The following CCDC157 variants were observed in gnomAD, a reference collection of about 807,000 sequenced individuals.
The protein encoded by CCDC157 is coiled-coil domain-containing protein 157.
A neutral mutation model predicts 70.9 loss-of-function variants in CCDC157; 60 were observed. The observed-to-expected ratio is 0.85, with a 90% CI of 0.69 to 1.05. CCDC157 has a LOEUF of 1.05. Ranked by LOEUF, CCDC157 falls within the 50% of genes least tolerant of loss-of-function variation. The pLI, the probability that CCDC157 is intolerant of heterozygous loss-of-function variation, is 0.00. For synonymous variants in CCDC157, 373 were observed against 422.4 expected (o/e 0.88, Z 1.43); for missense variants, 943 against 984.2 (o/e 0.96, Z 0.56).
At position 30,370,456 on chromosome 22, in the gene CCDC157, G is replaced by A. The variant is rs201095345; in HGVS notation, c.551G>A (p.Cys184Tyr). The change falls in exon 5 of 12, where the codon TGC (cysteine) becomes TAC (tyrosine). Residue 184 changes from cysteine (C) to tyrosine (Y), a missense_variant. Cys to Tyr is a radical substitution (Grantham distance 194). Coordinates refer to ENST00000338306, the MANE Select transcript of CCDC157 (RefSeq NM_001017437.5). ...CCAGTGCTAGGCTTGCCCCAGACCT[G>A]CCAAGAGCCAGAGAGCATCCCTGTC... Reference protein sequence around the residue: ...SSPVLGLPQTCQEPESIPVRA... With the variant: ...SSPVLGLPQTYQEPESIPVRA... 251 of 1,614,104 alleles carry A rather than the reference G, an allele frequency of 1.6e-4. 8 individuals carry two copies. The South Asian group carries it at 2.5e-3, about 16-fold the overall frequency.
Position 30,375,278 on chromosome 22 carries a change from C to G in CCDC157, c.1673-201C>G, listed in dbSNP as rs566168108. 22 of 559,792 alleles carry G rather than the reference C, an allele frequency of 3.9e-5. No individual in the cohort carries two copies. In the South Asian group the frequency reaches 4.6e-4, roughly 12 times the overall value. The allele number at this position is 559,792 out of a possible 1,614,324, so 34.7% of individuals were successfully genotyped here. A position where few individuals can be genotyped will look rare whatever the true frequency, so the allele number is the denominator to read the frequency against. On this transcript the variant is annotated intron_variant, in intron 9 of 11. Coordinates refer to ENST00000338306, the MANE Select transcript of CCDC157 (RefSeq NM_001017437.5). ...GGCCTTGCTAAGTCTTTTGAGAGCT[C>G]TAGGTCCCACCCAGCTCTCAGATTT...
chr22:30,366,882 AC>A (rs1405230887), intron 3 of CCDC157: 1 of 154,658 alleles, frequency 6.5e-6, no homozygotes, highest in East Asian at 1.9e-4. Flanking sequence ...ACATAGTGAA[AC>A]CCTGTCTCTA....
At chr22:30,373,529 T>G in intron 7 of CCDC157, 68 bp from the exon 8 acceptor site, 1 of 1,518,906 alleles carries the variant, frequency 6.6e-7, no homozygotes. Context: ...TGTAGCCTCC[T>G]TAGTTCCACA....
intron 10 of CCDC157, chr22:30,375,999 A>T (rs1933327381): frequency 5.5e-6 from 3 of 549,294 alleles, no homozygotes; most frequent in Non-Finnish European, 9.6e-6. Flanking sequence ...ACCAGCCTGG[A>T]CAATATAATG....
intron 5 of CCDC157, 142 bp downstream of exon 5, chr22:30,371,092 G>A: frequency 9.5e-7 from 1 of 1,047,146 alleles, no homozygotes; most frequent in Non-Finnish European, 1.4e-6. Flanking sequence ...GCAGGGAAGG[G>A]AGGGCAGCAA....
chr22:30,367,784 C>T (rs756217605), intron 3 of CCDC157, among the ~76,000 whole-genome samples: 25 of 152,038 alleles, frequency 1.6e-4, no homozygotes, highest in East Asian at 2.0e-4. Context: ...CGTTGGCTCA[C>T]GTCTGTAATC....
In CCDC157 at chr22:30,366,038, G is replaced by A; in HGVS notation, c.38G>A (p.Ser13Asn). 1 of 1,604,038 alleles carries A rather than the reference G, an allele frequency of 6.2e-7. No homozygotes were observed. Among genetic ancestry groups the A allele is most frequent in the Non-Finnish European group, 8.5e-7 (1 of 1,179,648 alleles). The change falls in exon 3 of 12, where the codon AGC (serine) becomes AAC (asparagine). Residue 13 changes from serine (S) to asparagine (N), a missense_variant. Transcript: ENST00000338306. The stretch of plus-strand genomic sequence containing the variant: ...CTGGGCAGCCAGGCCTGCATGGAGA[G>A]CCTGCGCACAGACCTCACCGACCTG... ...HLLGSQACME[S>N]LRTDLTDLQG...
In CCDC157 at chr22:30,362,021, G is replaced by A. The variant is rs1292420687; in HGVS notation, c.-105G>A. The A allele has an allele frequency of 2.6e-5, 4 of 152,588 alleles. No individual in the cohort carries two copies. The highest frequency in any genetic ancestry group is 5.9e-5 in the Non-Finnish European group (4 of 68,340). The allele number at this position is 152,588 out of a possible 1,614,324, so 9.5% of individuals were successfully genotyped here. ...GAGACAGGAAGCCGGGCACCTGGAT[G>A]AGCCTCTGACCCAGAGCCCTGGAGC... On this transcript the variant is annotated 5_prime_UTR_variant, in exon 2 of 12. It removes an upstream start codon present in the reference 5' UTR. Transcript: ENST00000338306.
chr22:30,375,291 A>G (rs1933268766), intron 9 of CCDC157, 188 bp from the exon 10 acceptor site: 1 of 580,114 alleles, frequency 1.7e-6, no homozygotes, highest in African/African-American at 1.9e-5. Flanking sequence ...GGTCCCACCC[A>G]GCTCTCAGAT....
chr22:30,372,734 G>T (rs1234828637), intron 7 of CCDC157: 1 of 162,806 alleles, frequency 6.1e-6, no homozygotes, highest in Non-Finnish European at 1.3e-5. Context: ...TGTGCTCTGG[G>T]CAATGGGGCC....
Position 30,369,596 on chromosome 22 carries a change from T to C in CCDC157, c.413T>C (p.Leu138Pro). The change falls in exon 4 of 12, where the codon CTC becomes CCC. Residue 138 changes from leucine (L) to proline (P), a missense_variant. Physicochemically the swap from Leu to Pro is moderately conservative, Grantham distance 98. Transcript: ENST00000338306. ...LRLGTLHQQP[L>P]PQKGANQRET... ...CTGGGCACGCTCCACCAGCAGCCAC[T>C]CCCCCAGGTGGGTCCCAGCCTCTGT... 2 of 1,553,650 alleles carry C rather than the reference T, an allele frequency of 1.3e-6. No individual in the cohort carries two copies. The highest frequency in any genetic ancestry group is 1.4e-5 in the African/African-American group (1 of 73,194).
intron 10 of CCDC157, chr22:30,375,921 C>T: frequency 1.8e-6 from 1 of 552,944 alleles, no homozygotes; most frequent in Non-Finnish European, 3.2e-6. Flanking sequence ...GGTGCGGCGG[C>T]TCATGCCTGT....
At position 30,376,855 on chromosome 22, in the gene CCDC157, C is replaced by A; in HGVS notation, c.*110C>A. The A allele has an allele frequency of 2.7e-6, 3 of 1,131,568 alleles. No individual in the cohort carries two copies. The highest frequency in any genetic ancestry group is 2.5e-6 in the Non-Finnish European group (2 of 800,184). The allele number at this position is 1,131,568 out of a possible 1,614,324, so 70.1% of individuals were successfully genotyped here. ...TCTTTGCCTCACAGTATGACTGAGCCAAGGAAAGAACCCTTCCTTCCCTGT... is the reference window on the plus strand; with the variant it reads ...TCTTTGCCTCACAGTATGACTGAGCAAAGGAAAGAACCCTTCCTTCCCTGT... On this transcript the variant is annotated 3_prime_UTR_variant, in exon 12 of 12. Coordinates refer to ENST00000338306, the MANE Select transcript of CCDC157 (RefSeq NM_001017437.5).
intron 5 of CCDC157, 74 bp downstream of exon 5, chr22:30,371,024 A>G: frequency 2.0e-6 from 3 of 1,483,400 alleles, no homozygotes; most frequent in South Asian, 1.3e-5. Flanking sequence ...TTTGTGAGAC[A>G]GGGCTTCCAG....
chr22:30,367,958 G>A (rs1932789318), intron 3 of CCDC157, among the ~76,000 whole-genome samples: 1 of 152,214 alleles, frequency 6.6e-6, no homozygotes, highest in Non-Finnish European at 1.5e-5. Context: ...GGCTGAGGCA[G>A]GAGAATTGCT....
chr22:30,377,561 C>G lies in CCDC157; in HGVS notation c.*816C>G, dbSNP rs1399871365. The G allele has an allele frequency of 6.5e-6, 1 of 153,924 alleles. No homozygotes were observed. Among genetic ancestry groups the G allele is most frequent in the South Asian group, 2.0e-4 (1 of 4,952 alleles). 9.5% of individuals were successfully genotyped at this position (153,924 alleles called of 1,614,324 possible). A position where few individuals can be genotyped will look rare whatever the true frequency, so the allele number is the denominator to read the frequency against. The stretch of plus-strand genomic sequence containing the variant: ...TGCTGAGGCCTTCTCAGGGCGCACG[C>G]TCCCAAATGCCTGAAGCATTTTCCC... On this transcript the variant is annotated 3_prime_UTR_variant, in exon 12 of 12. Transcript: ENST00000338306.
upstream of CCDC157, chr22:30,356,770 G>A (rs1931887425): frequency 4.1e-6 from 6 of 1,463,384 alleles, no homozygotes; most frequent in South Asian, 1.4e-5. Flanking sequence ...CGGGGGCACC[G>A]CCTGCACGGG....
intron 5 of CCDC157, 38 bp from the exon 6 acceptor site, chr22:30,371,612 T>G (rs770132371): frequency 3.2e-6 from 5 of 1,567,806 alleles, no homozygotes; most frequent in Non-Finnish European, 4.4e-6. Context: ...GCCAGGTCCA[T>G]GGGACCCTCT....
At chr22:30,376,202 C>T in intron 10 of CCDC157, 57 bp from the exon 11 acceptor site, 1 of 1,492,468 alleles carries the variant, frequency 6.7e-7, no homozygotes, top group Non-Finnish European at 9.3e-7. Flanking sequence ...CCTCTCTGTA[C>T]AGTGGGGAGG....
Sources: allele counts gnomAD v4.1 joint callset (sites outside exome capture counted in the v4.1 genomes callset), GRCh38; gene constraint gnomAD v4.1.1; transcripts MANE v1.5; gene names NCBI Gene and HGNC (gene_info 2026-07-23, HGNC 2026-07-21).